CC2D2B: variants seen among roughly 807,000 people sequenced by gnomAD.
CC2D2B encodes protein CC2D2B.
A neutral mutation model predicts 161.2 loss-of-function variants in CC2D2B; 128 were observed. The observed-to-expected ratio is 0.79, with a 90% CI of 0.69 to 0.92. CC2D2B has a LOEUF of 0.92. Ranked by LOEUF, CC2D2B falls within the 40% of genes least tolerant of loss-of-function variation. The pLI, the probability that CC2D2B is intolerant of heterozygous loss-of-function variation, is 0.00. For missense variants in CC2D2B, 1,173 were observed against 1,375.1 expected (o/e 0.85, Z 2.32); for synonymous variants, 391 against 449.8 (o/e 0.87, Z 1.65).
intron 26 of CC2D2B, among the ~76,000 whole-genome samples, chr10:96,011,140 G>A (rs1025402345): frequency 2.6e-5 from 4 of 152,218 alleles, no homozygotes; most frequent in African/African-American, 7.2e-5. Flanking sequence ...GGGAAAGAAC[G>A]AATATCAGGT....
chr10:95,908,961 T>C (rs943334079), intron 1 of CC2D2B, among the ~76,000 whole-genome samples: 3 of 152,152 alleles, frequency 2.0e-5, no homozygotes, highest in Admixed American at 6.6e-5. Context: ...AGTTTTCATG[T>C]ACCAGAAGTC....
chr10:96,000,632 G>A (rs2078447906), intron 24 of CC2D2B, among the ~76,000 whole-genome samples: 1 of 152,090 alleles, frequency 6.6e-6, no homozygotes, highest in Admixed American at 6.5e-5. Flanking sequence ...CCAAAGTGCT[G>A]GGATTACAGG....
chr10:95,999,253 G>A (rs2078364275), intron 24 of CC2D2B, among the ~76,000 whole-genome samples: 1 of 152,108 alleles, frequency 6.6e-6, no homozygotes, highest in Non-Finnish European at 1.5e-5. Context: ...TTTCTTCCAT[G>A]AAAAACATGC....
At chr10:95,930,026 A>T (rs2098547096) in intron 6 of CC2D2B, among the ~76,000 whole-genome samples, 1 of 152,208 alleles carries the variant, frequency 6.6e-6, no homozygotes. Flanking sequence ...CCTATCCATG[A>T]GCATGGAATA....
At chr10:95,979,318 G>T (rs972998961) in intron 17 of CC2D2B, among the ~76,000 whole-genome samples, 7 of 152,068 alleles carry the variant, frequency 4.6e-5, no homozygotes, top group Non-Finnish European at 1.0e-4. Context: ...TTGTTATACT[G>T]GGTTGCTACT....
chr10:96,025,186 A>ATATATATATAT (rs1564684253), intron 33 of CC2D2B, among the ~76,000 whole-genome samples: 1 of 41,376 alleles, frequency 2.4e-5, no homozygotes, highest in Non-Finnish European at 4.8e-5. Context: ...TATATATATA[A>ATATATATATAT]AAAAAAATAT....
chr10:95,996,801 TC>T (rs57227852), intron 24 of CC2D2B, among the ~76,000 whole-genome samples: 15,553 of 152,256 alleles, frequency 0.1, 1,604 homozygotes, highest in East Asian at 0.57. Flanking sequence ...CTAAATGTGC[TC>T]CCCAAAATTC....
At chr10:96,025,636 A>G (rs2079739145) in intron 33 of CC2D2B, among the ~76,000 whole-genome samples, 1 of 152,222 alleles carries the variant, frequency 6.6e-6, no homozygotes, top group South Asian at 2.1e-4. Flanking sequence ...TAGGCAGTAG[A>G]AACGGCAGTA....
Position 95,965,979 on chromosome 10 carries a change from A to G in CC2D2B, c.1334A>G (p.Lys445Arg). ...AAGAAAAATGAAGGAAAAGAACTTAAGAATGGGAAAAAACTGGAGGTATTT... is the reference window on the plus strand; with the variant it reads ...AAGAAAAATGAAGGAAAAGAACTTAGGAATGGGAAAAAACTGGAGGTATTT... ...TEKKNEGKELKNGKKLESLSY... is the reference protein window; with the variant it reads ...TEKKNEGKELRNGKKLESLSY... Residue 445 changes from lysine (K) to arginine (R), a missense_variant, in exon 13 of 35, where the codon AAG becomes AGG. By Grantham distance (26) the Lys-to-Arg change is conservative (BLOSUM62 2). Coordinates refer to ENST00000646931, the MANE Select transcript of CC2D2B (RefSeq NM_001349008.3). The G allele has an allele frequency of 8.3e-7, 1 of 1,203,516 alleles. No individual in the cohort carries two copies. The highest frequency in any genetic ancestry group is 1.0e-6 in the Non-Finnish European group (1 of 962,140). The allele number at this position is 1,203,516 out of a possible 1,614,324, so 74.6% of individuals were successfully genotyped here. A position where few individuals can be genotyped will look rare whatever the true frequency, so the allele number is the denominator to read the frequency against.
chr10:95,947,115 T>TATATATATATATATA (rs1564609188), intron 9 of CC2D2B, among the ~76,000 whole-genome samples: 11 of 26,218 alleles, frequency 4.2e-4, no homozygotes, highest in Admixed American at 2.0e-3. Context: ...ATATATATAT[T>TATATATATATATATA]TTTTTTTTTT....
chr10:95,995,721 T>A (rs974225016), intron 23 of CC2D2B, among the ~76,000 whole-genome samples: 2 of 152,246 alleles, frequency 1.3e-5, no homozygotes, highest in Non-Finnish European at 2.9e-5. Flanking sequence ...ATATCCATGT[T>A]ATTGTCCAAA....
intron 19 of CC2D2B, among the ~76,000 whole-genome samples, chr10:95,986,051 C>T (rs539797730): frequency 9.2e-5 from 14 of 152,114 alleles, no homozygotes; most frequent in South Asian, 6.2e-4. Flanking sequence ...ATTTTAATTT[C>T]GCCCCGGCCC....
chr10:95,958,805 G>A (rs563547725), intron 11 of CC2D2B, among the ~76,000 whole-genome samples: 1 of 128,268 alleles, frequency 7.8e-6, no homozygotes, highest in South Asian at 2.6e-4. Flanking sequence ...AGATTCAAAA[G>A]GAGAAGATAG....
At chr10:95,980,263 G>A (rs1369265156) in intron 17 of CC2D2B, among the ~76,000 whole-genome samples, 1 of 152,142 alleles carries the variant, frequency 6.6e-6, no homozygotes, top group Non-Finnish European at 1.5e-5. Flanking sequence ...TTTGACCCAA[G>A]AACAGCACTG....
chr10:95,942,426 A>G (rs1007020356), intron 9 of CC2D2B, among the ~76,000 whole-genome samples: 2 of 152,110 alleles, frequency 1.3e-5, no homozygotes, highest in African/African-American at 2.4e-5. Flanking sequence ...CATATATTCT[A>G]TTGACCTGTC....
At chr10:95,938,291 T>C (rs1225942534) in intron 7 of CC2D2B, 102 bp downstream of exon 7, 4 of 762,678 alleles carry the variant, frequency 5.2e-6, no homozygotes, top group African/African-American at 1.8e-5. Flanking sequence ...TGATCTAAAA[T>C]TATAGTAACT....
intron 20 of CC2D2B, among the ~76,000 whole-genome samples, chr10:95,990,125 T>C (rs2077891027): frequency 6.6e-6 from 1 of 152,218 alleles, no homozygotes; most frequent in Admixed American, 6.5e-5. Flanking sequence ...AAATATTTAT[T>C]GAGCACCTAT....
At chr10:95,943,163 A>T (rs2076080330) in intron 9 of CC2D2B, among the ~76,000 whole-genome samples, 1 of 152,140 alleles carries the variant, frequency 6.6e-6, no homozygotes, top group South Asian at 2.1e-4. Context: ...CTGACCATCC[A>T]CAATTGGAGT....
chr10:95,924,939 C>T (rs1335606959), intron 5 of CC2D2B, 95 bp downstream of exon 5: 1 of 691,474 alleles, frequency 1.4e-6, no homozygotes, highest in Non-Finnish European at 2.5e-6. Context: ...GTATATGACT[C>T]AATGATTTCT....
Sources: gnomAD v4.1 joint callset for allele counts (sites outside exome capture counted in the v4.1 genomes callset) on GRCh38, gnomAD v4.1.1 for gene constraint, MANE v1.5 for transcripts, NCBI Gene and HGNC (gene_info 2026-07-23, HGNC 2026-07-21) for gene names.